BEND4: variants seen among roughly 807,000 people sequenced by gnomAD.
BEND4 encodes the protein BEN domain-containing protein 4.
BEND4 carries 27 observed loss-of-function variants against 54.7 expected under a neutral mutation model. The ratio of observed to expected loss-of-function variants is 0.49; its 90% CI spans 0.36 to 0.68. The LOEUF (loss-of-function observed/expected upper bound fraction) is 0.68, where lower values mean the gene tolerates loss of function less well. Among genes scored for constraint, BEND4 ranks in the 30% least tolerant of loss-of-function variants. BEND4 has a pLI of 0.00. For synonymous variants in BEND4, 327 were observed against 299.5 expected (o/e 1.09, Z -0.95); for missense variants, 702 against 697.2 (o/e 1.01, Z -0.08).
At chr4:42,150,443 C>T (rs1721225420) in intron 2 of BEND4, among the ~76,000 whole-genome samples, 1 of 152,218 alleles carries the variant, frequency 6.6e-6, no homozygotes, top group Non-Finnish European at 1.5e-5. Flanking sequence ...CAAAACCAAT[C>T]CTTCATGTGT....
At position 42,143,528 on chromosome 4, in the gene BEND4, G is replaced by A. The variant is rs372336500; in HGVS notation, c.954C>T (p.Asp318=). The stretch of plus-strand genomic sequence containing the variant: ...GGCATCGAGGACAATAGCCTTCCTC[G>A]TCCTCCTCCTCCTCCTCTTCTGGCA... ...STLPEEEEEE[D]EEGYCPRCQE... Residue 318 remains aspartate (D), a synonymous_variant, in exon 3 of 6, where the codon GAC becomes GAT. Transcript: ENST00000502486. 2.8e-4 allele frequency: 430 copies of A among 1,553,684 alleles called. 5 individuals carry two copies. The highest frequency in any genetic ancestry group is 2.7e-3 in the South Asian group (227 of 84,196).
At chr4:42,124,961 G>A (rs1720215149) in intron 4 of BEND4, among the ~76,000 whole-genome samples, 1 of 152,116 alleles carries the variant, frequency 6.6e-6, no homozygotes, top group African/African-American at 2.4e-5. Context: ...TTTAGGCTGG[G>A]GGAAACCTGA....
rs567572504 is a variant in BEND4, at chr4:42,115,152, G to A, written c.*2366C>T. 56 of 152,376 alleles carry A rather than the reference G, an allele frequency of 3.7e-4. No individual in the cohort carries two copies. Among genetic ancestry groups the A allele is most frequent in the African/African-American group, 1.3e-3 (55 of 41,570 alleles). 9.4% of individuals were successfully genotyped at this position (152,376 alleles called of 1,614,324 possible). On this transcript the variant is annotated 3_prime_UTR_variant, in exon 6 of 6. Coordinates refer to ENST00000502486, the MANE Select transcript of BEND4 (RefSeq NM_207406.4). ...GCCCAACAATTAGTCTCAACATTCA[G>A]AATCTGTGGATGGAGAAACAGCTGA... is the stretch of plus-strand genomic sequence containing the variant.
Position 42,112,529 on chromosome 4 carries a change from CAA to C in BEND4, c.*4987_*4988del, listed in dbSNP as rs949995263. 6.6e-6 allele frequency: 1 copy of C among 152,076 alleles called. No individual in the cohort carries two copies. Among genetic ancestry groups the C allele is most frequent in the African/African-American group, 2.4e-5 (1 of 41,390 alleles). 9.4% of individuals were successfully genotyped at this position (152,076 alleles called of 1,614,324 possible). A position where few individuals can be genotyped will look rare whatever the true frequency, so the allele number is the denominator to read the frequency against. On this transcript the variant is annotated 3_prime_UTR_variant, in exon 6 of 6. Transcript: ENST00000502486. ...CACTGTAATTTGAGGATCTGTGATT[CAA>C]TAAAAACACAGCCCTTATATCAGAC... is the stretch of plus-strand genomic sequence containing the variant.
chr4:42,150,170 C>T lies in BEND4; in HGVS notation c.487+1487G>A, dbSNP rs565179611. Among the ~76,000 whole-genome samples the T allele has an allele frequency of 2.4e-4, 36 of 151,596 alleles. No individual in the cohort carries two copies. In the South Asian group the frequency reaches 7.3e-3, roughly 31 times the overall value. ...GTTTAGGAGAAAATAAGATCTCAAG[C>T]CAGAAAGAAAGAAAATGAACCTCCT... is the stretch of plus-strand genomic sequence containing the variant. On this transcript the variant is annotated intron_variant, in intron 2 of 5. Transcript: ENST00000502486.
At chr4:42,141,070 C>A (rs1357406066) in intron 3 of BEND4, among the ~76,000 whole-genome samples, 2 of 152,180 alleles carry the variant, frequency 1.3e-5, no homozygotes, top group African/African-American at 4.8e-5. Context: ...CTTGGGGAAA[C>A]CAGGAATGAT....
chr4:42,140,874 T>C (rs1157064578), intron 3 of BEND4, among the ~76,000 whole-genome samples: 1 of 152,182 alleles, frequency 6.6e-6, no homozygotes, highest in African/African-American at 2.4e-5. Flanking sequence ...TGGTTCTGAG[T>C]GGCTGATGAA....
Position 42,141,766 on chromosome 4 carries a change from A to G in BEND4, c.1054+1662T>C, listed in dbSNP as rs60964794. Among the ~76,000 whole-genome samples, 733 of 152,300 alleles carry G rather than the reference A, an allele frequency of 4.8e-3. 3 individuals carry two copies. The highest frequency in any genetic ancestry group is 0.017 in the African/African-American group (706 of 41,564). On this transcript the variant is annotated intron_variant, in intron 3 of 5. Transcript: ENST00000502486. The stretch of plus-strand genomic sequence containing the variant: ...AATTAAAACAAACAAAAAAAAGGAT[A>G]TAACTTATATTTATGCATATGTATC...
At position 42,117,530 on chromosome 4, in the gene BEND4, T is replaced by C. The variant is rs1483921875; in HGVS notation, c.1593A>G (p.Gly531=). The change falls in exon 6 of 6, where the codon GGA becomes GGG. Residue 531 remains glycine, a synonymous_variant. Coordinates refer to ENST00000502486, the MANE Select transcript of BEND4 (RefSeq NM_207406.4). ...AAGATTCTGTCCACTAATCCCCAGA[T>C]CCATCCTGGGAACTTTTATTGAAGA... ...DEVFNKSSQD[G]SGD 1 of 1,608,952 alleles carries C rather than the reference T, an allele frequency of 6.2e-7. No individual in the cohort carries two copies. The highest frequency in any genetic ancestry group is 2.2e-5 in the East Asian group (1 of 44,824).
intron 3 of BEND4, among the ~76,000 whole-genome samples, chr4:42,126,299 G>A (rs1035846386): frequency 2.0e-5 from 3 of 152,206 alleles, no homozygotes; most frequent in African/African-American, 7.2e-5. Flanking sequence ...GACTCAGGTT[G>A]CAGCAGTAGC....
In BEND4 at chr4:42,120,194, C is replaced by T. The variant is rs368442574; in HGVS notation, c.1247G>A (p.Arg416Gln). The T allele has an allele frequency of 1.2e-6, 2 of 1,613,940 alleles. No homozygotes were observed. The highest frequency in any genetic ancestry group is 1.7e-6 in the Non-Finnish European group (2 of 1,179,890). The change falls in exon 5 of 6, where the codon CGA (arginine) becomes CAA (glutamine). Residue 416 changes from arginine to glutamine, a missense_variant. Physicochemically the swap from Arg to Gln is conservative, Grantham distance 43. Coordinates refer to ENST00000502486, the MANE Select transcript of BEND4 (RefSeq NM_207406.4). ...TGTGAAAACAAATCTGATGAGGTAT[C>T]GAAGGAGCCGTCTCCCATCTTTCTT... ...SSKKDGRRLL[R>Q]YLIRFVFTTD...
Position 42,120,043 on chromosome 4 carries a change from G to A in BEND4, c.1387+11C>T. ...TCACAGATGGTGACACTGAGCGGAAGGATGCAGTACCTCGGAGGCATGTTA... is the reference window on the plus strand; with the variant it reads ...TCACAGATGGTGACACTGAGCGGAAAGATGCAGTACCTCGGAGGCATGTTA... On this transcript the variant is annotated intron_variant, in intron 5 of 5. Coordinates refer to ENST00000502486, the MANE Select transcript of BEND4 (RefSeq NM_207406.4). The A allele has an allele frequency of 6.2e-7, 1 of 1,613,956 alleles. No individual in the cohort carries two copies. The highest frequency in any genetic ancestry group is 8.5e-7 in the Non-Finnish European group (1 of 1,179,884).
chr4:42,141,996 T>C (rs1290508680), intron 3 of BEND4, among the ~76,000 whole-genome samples: 1 of 151,736 alleles, frequency 6.6e-6, no homozygotes, highest in Admixed American at 6.6e-5. Flanking sequence ...CTCTGCCTCC[T>C]GGGTTCACGT....
intron 2 of BEND4, chr4:42,151,135 C>G (rs1387409257): frequency 6.6e-6 from 1 of 152,380 alleles, no homozygotes; most frequent in East Asian, 1.9e-4. Context: ...TGAGAGCCAG[C>G]CAGCATGGAC....
intron 3 of BEND4, among the ~76,000 whole-genome samples, chr4:42,140,560 T>C (rs775078866): frequency 4.6e-5 from 7 of 152,166 alleles, no homozygotes; most frequent in South Asian, 2.1e-4. Flanking sequence ...GCTCAAGAAA[T>C]GGCAGCATCT....
intron 3 of BEND4, among the ~76,000 whole-genome samples, chr4:42,128,345 C>T (rs1423213520): frequency 6.6e-6 from 1 of 152,226 alleles, no homozygotes; most frequent in Non-Finnish European, 1.5e-5. Context: ...AGTTCTGGGC[C>T]AGGCACAGTG....
rs1720981969 is a variant in BEND4 at position 42,143,850 on chromosome 4, C to G, written c.632G>C (p.Arg211Thr). The change falls in exon 3 of 6, where the codon AGA (arginine) becomes ACA (threonine). Residue 211 changes from arginine to threonine, a missense_variant. Transcript: ENST00000502486. ...TTTCCCAATGTGACAGTGCTCCTGT[C>G]TTTCGTTGTAACTTGAGCCTTCCTG... ...VKQEGSSYNERQEHCHIGKGV... is the reference protein window; with the variant it reads ...VKQEGSSYNETQEHCHIGKGV... 1 of 1,562,336 alleles carries G rather than the reference C, an allele frequency of 6.4e-7. No individual in the cohort carries two copies. Among genetic ancestry groups the G allele is most frequent in the Non-Finnish European group, 8.6e-7 (1 of 1,156,664 alleles).
chr4:42,142,597 T>C (rs1720927304), intron 3 of BEND4, among the ~76,000 whole-genome samples: 1 of 140,482 alleles, frequency 7.1e-6, no homozygotes, highest in African/African-American at 2.7e-5. Flanking sequence ...GGTGCCACTG[T>C]ACTCCAGACT....
chr4:42,136,693 T>C (rs1720709840), intron 3 of BEND4, among the ~76,000 whole-genome samples: 1 of 152,216 alleles, frequency 6.6e-6, no homozygotes, highest in Non-Finnish European at 1.5e-5. Context: ...GTGACTTTTG[T>C]TGGTGATCTC....
Sources: allele counts gnomAD v4.1 joint callset (sites outside exome capture counted in the v4.1 genomes callset), GRCh38; gene constraint gnomAD v4.1.1; transcripts MANE v1.5; gene names NCBI Gene and HGNC (gene_info 2026-07-23, HGNC 2026-07-21).